HERC1: variants seen among roughly 807,000 people sequenced by gnomAD.
HERC1 encodes probable E3 ubiquitin-protein ligase HERC1.
In HERC1, 160 loss-of-function variants were observed where a neutral mutation model predicts 554.3. The observed-to-expected ratio is 0.29, with a 90% CI of 0.25 to 0.33. The LOEUF is 0.33. Among genes scored for constraint, HERC1 ranks in the 10% least tolerant of loss-of-function variants. The pLI is 1.00. For missense variants in HERC1, 4,919 were observed against 5,918.5 expected (o/e 0.83, Z 5.54); for synonymous variants, 2,175 against 2,131.7 (o/e 1.02, Z -0.56).
chr15:63,613,570 T>C (rs1401557071), intron 76 of HERC1, among the ~76,000 whole-genome samples: 1 of 152,192 alleles, frequency 6.6e-6, no homozygotes, highest in Non-Finnish European at 1.5e-5. Context: ...AGGTGATGGA[T>C]ATGTTAATTT....
Position 63,643,594 on chromosome 15 carries a change from T to C in HERC1, c.11185-44A>G, listed in dbSNP as rs2069176005. The C allele has an allele frequency of 2.1e-6, 3 of 1,400,922 alleles. No homozygotes were observed. The Admixed American group carries it at 6.8e-5, about 32-fold the overall frequency. 86.8% of individuals were successfully genotyped at this position (1,400,922 alleles called of 1,614,324 possible). On this transcript the variant is annotated intron_variant, in intron 57 of 77. Transcript: ENST00000443617. Reference sequence around the variant, plus strand: ...AACATGCATTAAAATAAAGATAAATTATATAAGTTCAAGATTTATCATTCA... The same window carrying C: ...AACATGCATTAAAATAAAGATAAATCATATAAGTTCAAGATTTATCATTCA...
At chr15:63,731,215 T>C (rs141080435) in intron 14 of HERC1, among the ~76,000 whole-genome samples, 72 of 152,340 alleles carry the variant, frequency 4.7e-4, no homozygotes, top group African/African-American at 1.6e-3. Flanking sequence ...TAAATAATCA[T>C]GTGCTGAATA....
At chr15:63,630,757 C>A (rs1386001766) in intron 68 of HERC1, 122 bp from the exon 69 acceptor site, 4 of 924,508 alleles carry the variant, frequency 4.3e-6, no homozygotes, top group Non-Finnish European at 4.7e-6. Flanking sequence ...TATAACTCAA[C>A]TGAGGCTAAA....
Position 63,709,930 on chromosome 15 carries a change from G to GT in HERC1, c.4584+2844dup, listed in dbSNP as rs796673392. On this transcript the variant is annotated intron_variant, in intron 24 of 77. Transcript: ENST00000443617. The stretch of plus-strand genomic sequence containing the variant: ...TAGCTGGGAAAGCTTTCTGGAAGAG[G>GT]TAACATTTTAGACAGTCCTTCAGGG... Among the ~76,000 whole-genome samples, 94 of 152,330 alleles carry GT rather than the reference G, an allele frequency of 6.2e-4. 2 individuals are homozygous for GT. Among genetic ancestry groups the GT allele is most frequent in the African/African-American group, 2.1e-3 (89 of 41,568 alleles).
chr15:63,718,752 A>G lies in HERC1; in HGVS notation c.3857+31T>C. On this transcript the variant is annotated intron_variant, in intron 20 of 77. Transcript: ENST00000443617. The surrounding 1 kb of genome is among the most constrained non-coding windows in gnomAD (Gnocchi z 4.2). ...AATTTCTGACATCATGAGAGCAAAT[A>G]TTTGTCTGAGGATAGTTTTAAGTTA... 2 of 1,605,422 alleles carry G rather than the reference A, an allele frequency of 1.2e-6. No individual in the cohort carries two copies. The highest frequency in any genetic ancestry group is 1.7e-6 in the Non-Finnish European group (2 of 1,173,568).
chr15:63,678,176 A>G lies in HERC1; in HGVS notation c.6739T>C (p.Cys2247Arg). The stretch of plus-strand genomic sequence containing the variant: ...AGCTTCTGACCTGACTCTTTAATAC[A>G]TATCTTAATTTTGTGAAGCCTTTCC... ...MMERLHKIKICIKESGQKLKK... is the reference protein window; with the variant it reads ...MMERLHKIKIRIKESGQKLKK... The change falls in exon 37 of 78, where the codon TGT (cysteine) becomes CGT (arginine). Residue 2247 changes from cysteine to arginine, a missense_variant. Coordinates refer to ENST00000443617, the MANE Select transcript of HERC1 (RefSeq NM_003922.4). 3 of 1,613,750 alleles carry G rather than the reference A, an allele frequency of 1.9e-6. No homozygotes were observed. The highest frequency in any genetic ancestry group is 2.5e-6 in the Non-Finnish European group (3 of 1,179,824).
Position 63,680,217 on chromosome 15 carries a change from C to G in HERC1, c.6466-57G>C. On this transcript the variant is annotated intron_variant, in intron 35 of 77. Coordinates refer to ENST00000443617, the MANE Select transcript of HERC1 (RefSeq NM_003922.4). The surrounding 1 kb of genome is among the most constrained non-coding windows in gnomAD (Gnocchi z 5.8). ...AGGAAATAGAAATTTTTTTAATTCA[C>G]AATATCTAACCACATTAGAATTGAA... The G allele has an allele frequency of 7.9e-7, 1 of 1,269,940 alleles. No homozygotes were observed. The allele number at this position is 1,269,940 out of a possible 1,614,324, so 78.7% of individuals were successfully genotyped here.
At chr15:63,795,065 CAAAAAAAA>C (rs1177647525) in intron 1 of HERC1, among the ~76,000 whole-genome samples, 1 of 68,970 alleles carries the variant, frequency 1.4e-5, no homozygotes, top group Non-Finnish European at 2.6e-5. Context: ...GACTCTGTCT[CAAAAAAAA>C]AAAAAAAAAA....
At chr15:63,693,571 G>A (rs1019837479) in intron 30 of HERC1, among the ~76,000 whole-genome samples, 3 of 143,200 alleles carry the variant, frequency 2.1e-5, no homozygotes, top group African/African-American at 4.9e-5. Flanking sequence ...CAGGACTTAG[G>A]TTAGAGATGG....
intron 1 of HERC1, among the ~76,000 whole-genome samples, chr15:63,792,968 C>G (rs1020699796): frequency 6.6e-6 from 1 of 152,184 alleles, no homozygotes; most frequent in African/African-American, 2.4e-5. Context: ...GAGCAGTTCA[C>G]AGAACTCAGG....
chr15:63,798,670 T>C (rs1420134113), intron 1 of HERC1, among the ~76,000 whole-genome samples: 1 of 152,136 alleles, frequency 6.6e-6, no homozygotes, highest in Middle Eastern at 3.2e-3. Context: ...CCCTAACAGA[T>C]AATGCACTCA....
intron 12 of HERC1, among the ~76,000 whole-genome samples, chr15:63,744,710 T>C (rs963751216): frequency 5.3e-5 from 8 of 152,150 alleles, no homozygotes; most frequent in Non-Finnish European, 1.2e-4. Flanking sequence ...AGTTAGCTTA[T>C]GGTGAATACT....
intron 21 of HERC1, among the ~76,000 whole-genome samples, chr15:63,717,859 G>A (rs890738426): frequency 4.6e-5 from 7 of 152,058 alleles, no homozygotes; most frequent in African/African-American, 1.7e-4. Context: ...GCGACAGAGC[G>A]AGACTGTCTC....
At position 63,664,581 on chromosome 15, in the gene HERC1, C is replaced by A. The variant is rs1163851765; in HGVS notation, c.8569G>T (p.Asp2857Tyr). The change falls in exon 43 of 78, where the codon GAT becomes TAT. Residue 2857 changes from aspartate to tyrosine, a missense_variant. Asp to Tyr is a radical substitution (Grantham distance 160). Transcript: ENST00000443617. ...EGFSESPDNL[D>Y]HTENAASGSG... ...CCAGAAGCTGCATTCTCTGTATGAT[C>A]CAAATTATCAGGGCTACAAGTGCAA... 11 of 1,612,988 alleles carry A rather than the reference C, an allele frequency of 6.8e-6. No homozygotes were observed. Among genetic ancestry groups the A allele is most frequent in the Non-Finnish European group, 9.3e-6 (11 of 1,179,402 alleles).
chr15:63,716,682 C>T (rs1471595483), intron 21 of HERC1, among the ~76,000 whole-genome samples: 1 of 152,100 alleles, frequency 6.6e-6, no homozygotes, highest in East Asian at 1.9e-4. Flanking sequence ...ATATGCTCTT[C>T]CTTCCTCATT....
chr15:63,771,703 G>C (rs2075962336), intron 2 of HERC1, among the ~76,000 whole-genome samples: 1 of 152,062 alleles, frequency 6.6e-6, no homozygotes, highest in African/African-American at 2.4e-5. Context: ...AAAGTGCTGG[G>C]ATTACAGGTG....
intron 34 of HERC1, 40 bp downstream of exon 34, chr15:63,686,319 A>G (rs2071761932): frequency 6.7e-7 from 1 of 1,491,808 alleles, no homozygotes; most frequent in East Asian, 2.3e-5. Context: ...AAAAAGGACT[A>G]AAAGACAAAA....
At position 63,612,341 on chromosome 15, in the gene HERC1, C is replaced by T; in HGVS notation, c.14310G>A (p.Val4770=). 6.2e-7 allele frequency: 1 copy of T among 1,614,046 alleles called. No individual in the cohort carries two copies. Among genetic ancestry groups the T allele is most frequent in the Non-Finnish European group, 8.5e-7 (1 of 1,179,886 alleles). ...TLEEFSNEER[V]LFMRFVSGRS... ...TTCCTGACACAAACCTCATGAAAAGCACCCGCTCCTCATTGGAGAACTCTT... is the reference window on the plus strand; with the variant it reads ...TTCCTGACACAAACCTCATGAAAAGTACCCGCTCCTCATTGGAGAACTCTT... The change falls in exon 77 of 78, where the codon GTG becomes GTA. Residue 4770 remains valine (V), a synonymous_variant. Transcript: ENST00000443617. The surrounding 1 kb of genome is among the most constrained non-coding windows in gnomAD (Gnocchi z 5.0).
Position 63,680,859 on chromosome 15 carries a change from G to T in HERC1, c.6226-83C>A. 1 of 900,350 alleles carries T rather than the reference G, an allele frequency of 1.1e-6. No individual in the cohort carries two copies. Among genetic ancestry groups the T allele is most frequent in the Non-Finnish European group, 1.7e-6 (1 of 575,248 alleles). 55.8% of individuals were successfully genotyped at this position (900,350 alleles called of 1,614,324 possible). The stretch of plus-strand genomic sequence containing the variant: ...CTGCATTAACCAATACTGAAAATAT[G>T]TTTATAAATAATACTAATGCATTTA... On this transcript the variant is annotated intron_variant, in intron 34 of 77. Coordinates refer to ENST00000443617, the MANE Select transcript of HERC1 (RefSeq NM_003922.4). This position sits in a 1 kb window ranked among gnomAD's most constrained non-coding sequence, Gnocchi z 5.8.
Sources: allele counts gnomAD v4.1 joint callset (sites outside exome capture counted in the v4.1 genomes callset), GRCh38; gene constraint gnomAD v4.1.1; non-coding constraint Gnocchi (gnomAD v3.1); transcripts MANE v1.5; gene names NCBI Gene and HGNC (gene_info 2026-07-23, HGNC 2026-07-21).